Variants in RGS7 observed in about 807,000 individuals in gnomAD.
RGS7 encodes the protein regulator of G-protein signaling 7.
In RGS7, 27 loss-of-function variants were observed where a neutral mutation model predicts 81.1. The ratio of observed to expected loss-of-function variants is 0.33; its 90% CI spans 0.25 to 0.46. RGS7 has a LOEUF of 0.46. RGS7 is among the 20% of genes least tolerant of loss of function. The pLI, the probability that RGS7 is intolerant of heterozygous loss-of-function variation, is 1.00. For synonymous variants in RGS7, 208 were observed against 207.7 expected, an observed-to-expected ratio of 1.00 and a Z score of -0.01; for missense variants, 396 against 607.4, an observed-to-expected ratio of 0.65 and a Z score of 3.66.
In RGS7 at chr1:240,815,284, G is replaced by T. The variant is rs541483084; in HGVS notation, c.784-507C>A. Reference sequence around the variant, plus strand: ...CTGGGACTCTGAAGCAGAGGTTGCAGTGAGCTGAGATCACACCACTGCACT... The same window carrying T: ...CTGGGACTCTGAAGCAGAGGTTGCATTGAGCTGAGATCACACCACTGCACT... On this transcript the variant is annotated intron_variant, in intron 11 of 18. Transcript: ENST00000440928. Among the ~76,000 whole-genome samples the T allele has an allele frequency of 2.0e-5, 3 of 152,266 alleles. No homozygotes were observed. In the East Asian group the frequency reaches 5.8e-4, roughly 29 times the overall value.
intron 18 of RGS7, among the ~76,000 whole-genome samples, chr1:240,787,092 T>C (rs958651195): frequency 3.3e-5 from 5 of 152,228 alleles, no homozygotes; most frequent in African/African-American, 1.2e-4. Flanking sequence ...CCCTTTCTGA[T>C]ACTAGATGTT....
intron 6 of RGS7, among the ~76,000 whole-genome samples, chr1:240,930,495 CT>C (rs1281686573): frequency 6.6e-6 from 1 of 152,048 alleles, no homozygotes; most frequent in Non-Finnish European, 1.5e-5. Flanking sequence ...AATCAGAAGG[CT>C]TTCTTTAATA....
At chr1:240,942,926 A>G (rs1677847597) in intron 4 of RGS7, among the ~76,000 whole-genome samples, 1 of 152,226 alleles carries the variant, frequency 6.6e-6, no homozygotes, top group Admixed American at 6.5e-5. Flanking sequence ...GACTATTACC[A>G]TATTTAGAAA....
chr1:241,118,285 A>G (rs922630879), intron 2 of RGS7, among the ~76,000 whole-genome samples: 2 of 152,190 alleles, frequency 1.3e-5, no homozygotes, highest in African/African-American at 4.8e-5. Flanking sequence ...CAATTAAACA[A>G]ACCAACCAAT....
chr1:241,068,103 C>T (rs1321584023), intron 3 of RGS7, among the ~76,000 whole-genome samples: 16 of 151,118 alleles, frequency 1.1e-4, no homozygotes, highest in Non-Finnish European at 1.9e-4. Context: ...ACCACAAGCA[C>T]CCTAGCAGTC....
chr1:241,300,140 C>T (rs1280491344), intron 2 of RGS7, among the ~76,000 whole-genome samples: 1 of 151,512 alleles, frequency 6.6e-6, no homozygotes, highest in African/African-American at 2.4e-5. Context: ...ATTTTTTGGG[C>T]AGTTTTAGGT....
chr1:241,190,039 C>G (rs927449556), intron 2 of RGS7, among the ~76,000 whole-genome samples: 3 of 151,916 alleles, frequency 2.0e-5, no homozygotes, highest in African/African-American at 7.2e-5. Context: ...GGAGGCGGAG[C>G]TTGCAGTGAG....
intron 2 of RGS7, among the ~76,000 whole-genome samples, chr1:241,330,899 TAACA>T (rs2081942273): frequency 1.3e-5 from 2 of 152,248 alleles, no homozygotes; most frequent in African/African-American, 4.8e-5. Flanking sequence ...TATACTCATG[TAACA>T]AACCTGCACA....
At chr1:241,135,197 C>T (rs1276514810) in intron 2 of RGS7, among the ~76,000 whole-genome samples, 3 of 152,124 alleles carry the variant, frequency 2.0e-5, no homozygotes, top group African/African-American at 7.2e-5. Flanking sequence ...GAAGCCAAGA[C>T]GGGCAGATCA....
chr1:241,175,940 C>CAA (rs1237074017), intron 2 of RGS7, among the ~76,000 whole-genome samples: 43 of 152,164 alleles, frequency 2.8e-4, no homozygotes, highest in Non-Finnish European at 6.0e-4. Flanking sequence ...ATTCTTTTTG[C>CAA]AAGTAATTTA....
chr1:241,226,143 A>G (rs371981278), intron 2 of RGS7, among the ~76,000 whole-genome samples: 170 of 152,354 alleles, frequency 1.1e-3, no homozygotes, highest in Middle Eastern at 0.01. Flanking sequence ...CATTTGTAAA[A>G]GAAGAAAACA....
chr1:240,981,808 G>A (rs1684958020), intron 4 of RGS7, among the ~76,000 whole-genome samples: 1 of 152,116 alleles, frequency 6.6e-6, no homozygotes, highest in Non-Finnish European at 1.5e-5. Context: ...TCTTTTGATG[G>A]TATTGCTTTA....
intron 6 of RGS7, among the ~76,000 whole-genome samples, chr1:240,892,760 G>A (rs1325268198): frequency 6.6e-6 from 1 of 152,090 alleles, no homozygotes; most frequent in Non-Finnish European, 1.5e-5. Flanking sequence ...TTTTCCATGA[G>A]CCGTGTTCTG....
intron 4 of RGS7, among the ~76,000 whole-genome samples, chr1:240,975,613 A>G (rs1042204537): frequency 2.6e-5 from 4 of 152,220 alleles, no homozygotes; most frequent in African/African-American, 9.6e-5. Context: ...GAGCAAGGTC[A>G]TGTCAAGGAA....
At chr1:240,777,444 C>T (rs1050932528) in intron 18 of RGS7, among the ~76,000 whole-genome samples, 1 of 152,002 alleles carries the variant, frequency 6.6e-6, no homozygotes, top group South Asian at 2.1e-4. Flanking sequence ...AAATTGGAAA[C>T]ATATATTTTA....
At chr1:240,890,753 G>T (rs1387399732) in intron 6 of RGS7, among the ~76,000 whole-genome samples, 2 of 152,160 alleles carry the variant, frequency 1.3e-5, no homozygotes, top group Non-Finnish European at 2.9e-5. Flanking sequence ...GGCACAGAGA[G>T]TTTACAGGAT....
At chr1:241,314,335 A>T (rs2080736810) in intron 2 of RGS7, among the ~76,000 whole-genome samples, 1 of 152,178 alleles carries the variant, frequency 6.6e-6, no homozygotes, top group Admixed American at 6.5e-5. Flanking sequence ...GTCAACAGCC[A>T]TCAACATTGA....
chr1:241,254,645 GGA>G (rs1425695700), intron 2 of RGS7, among the ~76,000 whole-genome samples: 6 of 152,096 alleles, frequency 3.9e-5, no homozygotes, highest in Non-Finnish European at 7.4e-5. Flanking sequence ...AAATTTTGGA[GGA>G]GACACAAACA....
chr1:240,793,611 A>ATATATATATATATATATTTTTTTTT, intron 18 of RGS7, among the ~76,000 whole-genome samples: 1 of 78,804 alleles, frequency 1.3e-5, no homozygotes, highest in African/African-American at 9.7e-5. Flanking sequence ...ATATATATAT[A>ATATATATATATATATATTTTTTTTT]TTTTTTTTTT....
Sources: allele counts gnomAD v4.1 joint callset (sites outside exome capture counted in the v4.1 genomes callset), GRCh38; gene constraint gnomAD v4.1.1; transcripts MANE v1.5; gene names NCBI Gene and HGNC (gene_info 2026-07-23, HGNC 2026-07-21).